The following GJB3 variants were observed in gnomAD, a reference collection of about 807,000 sequenced individuals.
The protein encoded by GJB3 is gap junction protein beta 3.
GJB3 carries 6 observed loss-of-function variants against 8.1 expected under a neutral mutation model. The observed-to-expected ratio is 0.75, with a 90% CI of 0.41 to 1.47. GJB3 has a LOEUF of 1.47. GJB3 is among the 40% of genes most tolerant of loss of function. The pLI, the probability that GJB3 is intolerant of heterozygous loss-of-function variation, is 0.02. For synonymous variants in GJB3, 137 were observed against 156.4 expected (o/e 0.88, Z 0.93); for missense variants, 348 against 365.6 (o/e 0.95, Z 0.39).
chr1:34,784,545 C>T (rs1002758749), intron 1 of GJB3, among the ~76,000 whole-genome samples, 193 bp from the exon 2 acceptor site: 2 of 152,150 alleles, frequency 1.3e-5, no homozygotes, highest in Non-Finnish European at 2.9e-5. Context: ...GCTCTGTTGC[C>T]TTTGGTTAAG....
chr1:34,785,046 T>C lies in GJB3; in HGVS notation c.284T>C (p.Val95Ala). The C allele has an allele frequency of 6.2e-7, 1 of 1,614,146 alleles. No homozygotes were observed. The highest frequency in any genetic ancestry group is 8.5e-7 in the Non-Finnish European group (1 of 1,180,022). Residue 95 changes from valine to alanine, a missense_variant, in exon 2 of 2, where the codon GTG (valine) becomes GCG (alanine). Transcript: ENST00000373366. This position sits in a 1 kb window ranked among gnomAD's most constrained non-coding sequence, Gnocchi z 4.7. ...CCCTCGCTGCTGGTCATCCTGCACGTGGCCTACCGTGAGGAGCGGGAGCGC... is the reference window on the plus strand; with the variant it reads ...CCCTCGCTGCTGGTCATCCTGCACGCGGCCTACCGTGAGGAGCGGGAGCGC... Reference protein sequence around the residue: ...TCPSLLVILHVAYREERERRH... With the variant: ...TCPSLLVILHAAYREERERRH...
chr1:34,783,243 G>A (rs1640043391), intron 1 of GJB3, among the ~76,000 whole-genome samples: 1 of 149,354 alleles, frequency 6.7e-6, no homozygotes, highest in Non-Finnish European at 1.5e-5. Context: ...GCAAGGCCTT[G>A]GCTCAAAAAA....
Position 34,785,320 on chromosome 1 carries a change from C to T in GJB3, c.558C>T (p.Ile186=), listed in dbSNP as rs1426342012. 1 of 1,613,956 alleles carries T rather than the reference C, an allele frequency of 6.2e-7. No homozygotes were observed. Among genetic ancestry groups the T allele is most frequent in the Non-Finnish European group, 8.5e-7 (1 of 1,180,032 alleles). The stretch of plus-strand genomic sequence containing the variant: ...TTGCCCGACCTACCGAGAAGAAAAT[C>T]TTCACCTACTTCATGGTGGGCGCCT... The part of the protein sequence containing the change: ...CYIARPTEKK[I]FTYFMVGASA... The change falls in exon 2 of 2, where the codon ATC becomes ATT. Residue 186 remains isoleucine (I), a synonymous_variant. Coordinates refer to ENST00000373366, the MANE Select transcript of GJB3 (RefSeq NM_024009.3). The surrounding 1 kb of genome is among the most constrained non-coding windows in gnomAD (Gnocchi z 4.7).
rs760415572 is a variant in GJB3 at position 34,784,844 on chromosome 1, G to A, written c.82G>A (p.Val28Met). The A allele has an allele frequency of 3.7e-6, 6 of 1,614,230 alleles. No individual in the cohort carries two copies. The highest frequency in any genetic ancestry group is 1.1e-5 in the South Asian group (1 of 91,092). ...GTTCGGGCGCATCTGGCTGTCCGTGGTGTTCGTCTTCCGGGTGCTGGTATA... is the reference window on the plus strand; with the variant it reads ...GTTCGGGCGCATCTGGCTGTCCGTGATGTTCGTCTTCCGGGTGCTGGTATA... ...TAFGRIWLSV[V>M]FVFRVLVYVV... Residue 28 changes from valine (V) to methionine (M), a missense_variant, in exon 2 of 2, where the codon GTG (valine) becomes ATG (methionine). By Grantham distance (21) the Val-to-Met change is conservative. Transcript: ENST00000373366.
At position 34,784,657 on chromosome 1, in the gene GJB3, A is replaced by G. The variant is rs1640068598; in HGVS notation, c.-25-81A>G. On this transcript the variant is annotated intron_variant, in intron 1 of 1. Coordinates refer to ENST00000373366, the MANE Select transcript of GJB3 (RefSeq NM_024009.3). The stretch of plus-strand genomic sequence containing the variant: ...GTGAGTATTGAACAAGTCAGAACTC[A>G]GAACACTGCCTGGTACATAGTAAAT... The G allele has an allele frequency of 6.5e-6, 6 of 927,838 alleles. No homozygotes were observed. The East Asian group carries it at 1.6e-4, about 24-fold the overall frequency. 57.5% of individuals were successfully genotyped at this position (927,838 alleles called of 1,614,324 possible).
At chr1:34,784,632 G>A (rs769043697) in intron 1 of GJB3, 106 bp from the exon 2 acceptor site, 50 of 759,058 alleles carry the variant, frequency 6.6e-5, no homozygotes, top group Non-Finnish European at 1.1e-4. Context: ...GAGGGTCGTT[G>A]TGAGTATTGA....
chr1:34,785,667 C>G lies in GJB3; in HGVS notation c.*92C>G. 3.0e-6 allele frequency: 3 copies of G among 1,013,286 alleles called. No homozygotes were observed. The Admixed American group carries it at 6.4e-5, about 22-fold the overall frequency. 62.8% of individuals were successfully genotyped at this position (1,013,286 alleles called of 1,614,324 possible). On this transcript the variant is annotated 3_prime_UTR_variant, in exon 2 of 2. Transcript: ENST00000373366. This position sits in a 1 kb window ranked among gnomAD's most constrained non-coding sequence, Gnocchi z 4.7. ...AGAGGTCCTACAGGGGCTGAGTGAC[C>G]CCACTCTGAGTTCACTAAGTTATGC...
chr1:34,785,304 C>G lies in GJB3; in HGVS notation c.542C>G (p.Pro181Arg), dbSNP rs760994941. The G allele has an allele frequency of 1.9e-6, 3 of 1,613,430 alleles. No homozygotes were observed. The Admixed American group carries it at 5.0e-5, about 27-fold the overall frequency. The change falls in exon 2 of 2, where the codon CCT becomes CGT. Residue 181 changes from proline to arginine, a missense_variant. Transcript: ENST00000373366. The surrounding 1 kb of genome is among the most constrained non-coding windows in gnomAD (Gnocchi z 4.7). ...ATCGTGGACTGCTACATTGCCCGACCTACCGAGAAGAAAATCTTCACCTAC... is the reference window on the plus strand; with the variant it reads ...ATCGTGGACTGCTACATTGCCCGACGTACCGAGAAGAAAATCTTCACCTAC... ...PNIVDCYIAR[P>R]TEKKIFTYFM... is the part of the protein sequence containing the mutation.
In GJB3 at chr1:34,785,284, G is replaced by A; in HGVS notation, c.522G>A (p.Val174=). The A allele has an allele frequency of 1.9e-6, 3 of 1,613,556 alleles. No individual in the cohort carries two copies. The highest frequency in any genetic ancestry group is 2.5e-6 in the Non-Finnish European group (3 of 1,180,008). Residue 174 remains valine, a synonymous_variant, in exon 2 of 2, where the codon GTG becomes GTA. Transcript: ENST00000373366. This position sits in a 1 kb window ranked among gnomAD's most constrained non-coding sequence, Gnocchi z 4.7. ...CANVAPCPNI[V]DCYIARPTEK... Reference sequence around the variant, plus strand: ...ACGTGGCCCCCTGCCCCAACATCGTGGACTGCTACATTGCCCGACCTACCG... The same window carrying A: ...ACGTGGCCCCCTGCCCCAACATCGTAGACTGCTACATTGCCCGACCTACCG...
chr1:34,785,922 A>C lies in GJB3; in HGVS notation c.*347A>C. 2 of 359,668 alleles carry C rather than the reference A, an allele frequency of 5.6e-6. No homozygotes were observed. The highest frequency in any genetic ancestry group is 5.5e-6 in the Non-Finnish European group (1 of 183,036). The allele number at this position is 359,668 out of a possible 1,614,324, so 22.3% of individuals were successfully genotyped here. A position where few individuals can be genotyped will look rare whatever the true frequency, so the allele number is the denominator to read the frequency against. On this transcript the variant is annotated 3_prime_UTR_variant, in exon 2 of 2. Transcript: ENST00000373366. The surrounding 1 kb of genome is among the most constrained non-coding windows in gnomAD (Gnocchi z 4.7). ...CAGGAGAGGCTTCCCTGAGGACATA[A>C]TGTGTAAGAGAGGTGAGAAGTGCTC...
chr1:34,784,599 G>A (rs763945115), intron 1 of GJB3, 139 bp from the exon 2 acceptor site: 2 of 667,930 alleles, frequency 3.0e-6, no homozygotes, highest in South Asian at 1.7e-5. Flanking sequence ...TGCAGCTTGG[G>A]AGGAATAACA....
chr1:34,784,441 A>T (rs1322951494), intron 1 of GJB3, among the ~76,000 whole-genome samples: 1 of 152,252 alleles, frequency 6.6e-6, no homozygotes, highest in Non-Finnish European at 1.5e-5. Flanking sequence ...CTGCTCATAA[A>T]GTGTTTAACT....
intron 1 of GJB3, among the ~76,000 whole-genome samples, chr1:34,783,004 A>G (rs1213910509): frequency 1.3e-5 from 2 of 152,078 alleles, no homozygotes; most frequent in Non-Finnish European, 2.9e-5. Flanking sequence ...CTAGAGGGGG[A>G]GCCAGATAAT....
At position 34,781,584 on chromosome 1, in the gene GJB3, C is replaced by T. The variant is rs1349600817; in HGVS notation, c.-220C>T. The T allele has an allele frequency of 6.6e-6, 1 of 152,354 alleles. No individual in the cohort carries two copies. Among genetic ancestry groups the T allele is most frequent in the East Asian group, 1.9e-4 (1 of 5,184 alleles). The allele number at this position is 152,354 out of a possible 1,614,324, so 9.4% of individuals were successfully genotyped here. ...GGAGGCTCAGACGGGCCACCAGCCC[C>T]TCCGGAGGCTGGCCCGGGAGCGCCT... On this transcript the variant is annotated 5_prime_UTR_variant, in exon 1 of 2. Transcript: ENST00000373366. The surrounding 1 kb of genome is among the most constrained non-coding windows in gnomAD (Gnocchi z 6.2).
Position 34,786,026 on chromosome 1 carries a change from C to A in GJB3, c.*451C>A. The A allele has an allele frequency of 5.0e-6, 1 of 201,802 alleles. No homozygotes were observed. The highest frequency in any genetic ancestry group is 1.0e-4 in the South Asian group (1 of 9,746). 12.5% of individuals were successfully genotyped at this position (201,802 alleles called of 1,614,324 possible). A position where few individuals can be genotyped will look rare whatever the true frequency, so the allele number is the denominator to read the frequency against. On this transcript the variant is annotated 3_prime_UTR_variant, in exon 2 of 2. Transcript: ENST00000373366. This position sits in a 1 kb window ranked among gnomAD's most constrained non-coding sequence, Gnocchi z 4.4. ...CTCGCCCTGGGCTAGCCTCAGCAGA[C>A]CTAAGGCATCTCTACTCCCTCCAGA...
rs535821503 is a variant in GJB3 at position 34,782,611 on chromosome 1, A to G, written c.-26+833A>G. On this transcript the variant is annotated intron_variant, in intron 1 of 1. Coordinates refer to ENST00000373366, the MANE Select transcript of GJB3 (RefSeq NM_024009.3). ...GAATCCAGGTGGAACTCCGTGTTCC[A>G]TGCTATCCCACTCCCTTCCCCCACC... Among the ~76,000 whole-genome samples the G allele has an allele frequency of 4.6e-5, 7 of 152,300 alleles. No individual in the cohort carries two copies. In the East Asian group the frequency reaches 1.4e-3, roughly 29 times the overall value.
chr1:34,785,621 G>T lies in GJB3; in HGVS notation c.*46G>T, dbSNP rs542627283. On this transcript the variant is annotated 3_prime_UTR_variant, in exon 2 of 2. Transcript: ENST00000373366. The surrounding 1 kb of genome is among the most constrained non-coding windows in gnomAD (Gnocchi z 4.7). ...AACATGCGGGCTGCCAATGGGACAT[G>T]CAGGGCGGTGTGGCAGGTGGAGAGG... The T allele has an allele frequency of 3.3e-6, 5 of 1,501,400 alleles. No individual in the cohort carries two copies. In the East Asian group the frequency reaches 9.1e-5, roughly 27 times the overall value. 93.0% of individuals were successfully genotyped at this position (1,501,400 alleles called of 1,614,324 possible). A position where few individuals can be genotyped will look rare whatever the true frequency, so the allele number is the denominator to read the frequency against.
In GJB3 at chr1:34,785,269, CT is replaced by C. The variant is rs758989700; in HGVS notation, c.508del (p.Cys170AlafsTer98). On this transcript the variant is annotated frameshift_variant, in exon 2 of 2. Coordinates refer to ENST00000373366, the MANE Select transcript of GJB3 (RefSeq NM_024009.3). LOFTEE classifies it low-confidence loss of function (END_TRUNC). This position sits in a 1 kb window ranked among gnomAD's most constrained non-coding sequence, Gnocchi z 4.7. The part of the protein sequence containing the change: ...RLVQCANVAP[C>X]PNIVDCYIAR... Reference sequence around the variant, plus strand: ...TGGTGCAGTGTGCCAACGTGGCCCCCTGCCCCAACATCGTGGACTGCTACAT... The same window carrying C: ...TGGTGCAGTGTGCCAACGTGGCCCCCGCCCCAACATCGTGGACTGCTACAT... 9 of 1,613,788 alleles carry C rather than the reference CT, an allele frequency of 5.6e-6. No individual in the cohort carries two copies. The South Asian group carries it at 9.9e-5, about 18-fold the overall frequency.
intron 1 of GJB3, among the ~76,000 whole-genome samples, chr1:34,783,687 A>C (rs180975432): frequency 6.6e-6 from 1 of 152,274 alleles, no homozygotes; most frequent in East Asian, 1.9e-4. Flanking sequence ...AGGGGGACTC[A>C]CATGCACATA....
Sources: gnomAD v4.1 joint callset for allele counts (sites outside exome capture counted in the v4.1 genomes callset) on GRCh38, gnomAD v4.1.1 for gene constraint, Gnocchi (gnomAD v3.1) non-coding constraint, MANE v1.5 for transcripts, NCBI Gene and HGNC (gene_info 2026-07-23, HGNC 2026-07-21) for gene names.